Variants in NEK10 observed in about 807,000 individuals in gnomAD.
NEK10 encodes the protein NIMA related kinase 10.
NEK10 carries 122 observed loss-of-function variants against 159.8 expected under a neutral mutation model. That is an observed-to-expected ratio of 0.76 (90% confidence interval 0.66 to 0.89). The LOEUF (loss-of-function observed/expected upper bound fraction) is 0.89, where lower values mean the gene tolerates loss of function less well. NEK10 is among the 40% of genes least tolerant of loss of function. The pLI, the probability that NEK10 is intolerant of heterozygous loss-of-function variation, is 0.00. For missense variants in NEK10, 1,342 were observed against 1,323.1 expected (o/e 1.01, Z -0.22); for synonymous variants, 466 against 457.1 (o/e 1.02, Z -0.25).
chr3:27,348,733 C>A (rs926885834), intron 3 of NEK10, among the ~76,000 whole-genome samples: 1 of 152,118 alleles, frequency 6.6e-6, no homozygotes, highest in Non-Finnish European at 1.5e-5. Flanking sequence ...TTATCTCAGG[C>A]TAGTATAATG....
At chr3:27,183,230 CTTTAAAA>C (rs1295694328) in intron 26 of NEK10, among the ~76,000 whole-genome samples, 1 of 150,910 alleles carries the variant, frequency 6.6e-6, no homozygotes, top group East Asian at 1.9e-4. Context: ...ATAATTAAAA[CTTTAAAA>C]TTTAAAATTT....
intron 30 of NEK10, among the ~76,000 whole-genome samples, chr3:27,147,644 T>G (rs143747873): frequency 5.3e-4 from 80 of 152,340 alleles, no homozygotes; most frequent in African/African-American, 1.9e-3. Flanking sequence ...ATTCCCATAA[T>G]GGGTAATGTC....
At chr3:27,250,566 A>G (rs1955547273) in intron 23 of NEK10, among the ~76,000 whole-genome samples, 1 of 152,142 alleles carries the variant, frequency 6.6e-6, no homozygotes, top group South Asian at 2.1e-4. Flanking sequence ...TTTCTGATTG[A>G]AGAACCCCCT....
At chr3:27,167,600 T>C (rs1258807461) in intron 29 of NEK10, among the ~76,000 whole-genome samples, 1 of 152,176 alleles carries the variant, frequency 6.6e-6, no homozygotes, top group Non-Finnish European at 1.5e-5. Context: ...GTGTATATAC[T>C]AGGTCAGCCT....
chr3:27,297,410 T>A (rs1211327252), intron 13 of NEK10, among the ~76,000 whole-genome samples, 170 bp from the exon 14 acceptor site: 2 of 152,198 alleles, frequency 1.3e-5, no homozygotes, highest in African/African-American at 4.8e-5. Context: ...AGAAAAGAAG[T>A]TGACTTGTAA....
intron 23 of NEK10, among the ~76,000 whole-genome samples, chr3:27,248,158 G>A (rs1955281394): frequency 6.6e-6 from 1 of 152,106 alleles, no homozygotes; most frequent in Non-Finnish European, 1.5e-5. Context: ...TTGGCACATA[G>A]TTGTTCGTGG....
At chr3:27,241,198 G>T (rs1258097177) in intron 23 of NEK10, among the ~76,000 whole-genome samples, 1 of 152,066 alleles carries the variant, frequency 6.6e-6, no homozygotes, top group Non-Finnish European at 1.5e-5. Context: ...AGCATGGGGG[G>T]AAAAATAAGA....
chr3:27,354,814 T>C (rs2048216675), intron 1 of NEK10, among the ~76,000 whole-genome samples: 1 of 152,070 alleles, frequency 6.6e-6, no homozygotes, highest in African/African-American at 2.4e-5. Context: ...GCAGTGTAGA[T>C]TAGTCCTCAG....
chr3:27,334,416 C>T (rs2046648339), intron 5 of NEK10, among the ~76,000 whole-genome samples: 1 of 152,214 alleles, frequency 6.6e-6, no homozygotes, highest in South Asian at 2.1e-4. Context: ...AAGTAAGCCA[C>T]TTGGAGGCCC....
chr3:27,153,290 A>G (rs577943147), intron 30 of NEK10, among the ~76,000 whole-genome samples: 2 of 150,956 alleles, frequency 1.3e-5, no homozygotes, highest in African/African-American at 4.9e-5. Context: ...ACTGCACTCC[A>G]GCCTGGGCGA....
chr3:27,290,114 TA>T, intron 19 of NEK10, among the ~76,000 whole-genome samples: 1 of 152,356 alleles, frequency 6.6e-6, no homozygotes, highest in Middle Eastern at 3.4e-3. Flanking sequence ...CAAACTTTCA[TA>T]ATGAGAGTTA....
At chr3:27,333,739 C>T (rs1048504811) in intron 5 of NEK10, among the ~76,000 whole-genome samples, 1 of 151,858 alleles carries the variant, frequency 6.6e-6, no homozygotes, top group East Asian at 1.9e-4. Flanking sequence ...AGCAAGGCAC[C>T]ATTCTAGAGC....
chr3:27,346,031 CTG>C (rs2047527610), intron 4 of NEK10, 53 bp downstream of exon 4: 1 of 1,569,798 alleles, frequency 6.4e-7, no homozygotes, highest in African/African-American at 1.4e-5. Context: ...TTAAATAAAA[CTG>C]TGAGCTAAGC....
At chr3:27,200,670 T>C (rs1365759961) in intron 25 of NEK10, among the ~76,000 whole-genome samples, 1 of 152,214 alleles carries the variant, frequency 6.6e-6, no homozygotes, top group Admixed American at 6.5e-5. Context: ...AACTCATGTA[T>C]GCACATGTAT....
At chr3:27,321,771 C>T (rs2045658813) in intron 6 of NEK10, among the ~76,000 whole-genome samples, 1 of 152,178 alleles carries the variant, frequency 6.6e-6, no homozygotes, top group Admixed American at 6.5e-5. Flanking sequence ...AGTAAAGCTC[C>T]ATTGGCTGCC....
intron 9 of NEK10, 163 bp downstream of exon 9, chr3:27,310,786 G>A: frequency 2.1e-6 from 1 of 480,592 alleles, no homozygotes; most frequent in Non-Finnish European, 3.7e-6. Flanking sequence ...TGTAATGCTG[G>A]TAAAGAATAT....
At chr3:27,308,235 C>T (rs1417591218) in intron 10 of NEK10, among the ~76,000 whole-genome samples, 1 of 152,152 alleles carries the variant, frequency 6.6e-6, no homozygotes, top group Non-Finnish European at 1.5e-5. Flanking sequence ...TGAGAACTCA[C>T]TCACTATCAT....
chr3:27,345,170 G>A (rs2047466248), intron 4 of NEK10, among the ~76,000 whole-genome samples: 1 of 152,094 alleles, frequency 6.6e-6, no homozygotes, highest in African/African-American at 2.4e-5. Context: ...AACCTCAAAG[G>A]AAAGGTGTGT....
intron 3 of NEK10, among the ~76,000 whole-genome samples, chr3:27,351,000 T>C (rs931653972): frequency 6.6e-6 from 1 of 152,080 alleles, no homozygotes. Context: ...GTTGCTGGCA[T>C]TAGGAAATAC....
Sources: gnomAD v4.1 joint callset for allele counts (sites outside exome capture counted in the v4.1 genomes callset) on GRCh38, gnomAD v4.1.1 for gene constraint, MANE v1.5 for transcripts, NCBI Gene and HGNC (gene_info 2026-07-23, HGNC 2026-07-21) for gene names.